The following ZNF705G variants were observed in gnomAD, a reference collection of about 807,000 sequenced individuals.
ZNF705G encodes putative zinc finger protein 705G.
Under a neutral mutation model 19.6 loss-of-function variants are expected in ZNF705G, and 23 were observed. That is an observed-to-expected ratio of 1.17 (90% confidence interval 0.84 to 1.66). ZNF705G has a LOEUF of 1.66. Ranked by LOEUF, ZNF705G falls within the 40% of genes most tolerant of loss-of-function variation. ZNF705G has a pLI of 0.00. For synonymous variants in ZNF705G, 146 were observed against 117.7 expected, an observed-to-expected ratio of 1.24 and a Z score of -1.56; for missense variants, 457 against 354.4, an observed-to-expected ratio of 1.29 and a Z score of -2.32.
chr8:7,359,810 A>C (rs1806490455), intron 5 of ZNF705G, 109 bp from the exon 6 acceptor site: 25 of 1,509,408 alleles, frequency 1.7e-5, no homozygotes, highest in Non-Finnish European at 2.3e-5. Context: ...TAGATGTGGC[A>C]AGTGTGTCAA....
In ZNF705G at chr8:7,358,279, A is replaced by G. The variant is rs2128834264; in HGVS notation, c.600T>C (p.Tyr200=). The G allele has an allele frequency of 6.2e-7, 1 of 1,607,738 alleles. No individual in the cohort carries two copies. Among genetic ancestry groups the G allele is most frequent in the Non-Finnish European group, 8.5e-7 (1 of 1,179,640 alleles). The change falls in exon 7 of 7, where the codon TAT becomes TAC. Residue 200 remains tyrosine, a synonymous_variant. Coordinates refer to ENST00000400156, the MANE Select transcript of ZNF705G (RefSeq NM_001164457.3). ...HKMTHTGERP[Y]ACHLCRKAFT... is the part of the protein sequence containing the mutation. The stretch of plus-strand genomic sequence containing the variant: ...AGGCTTTTCTACATAGATGACATGC[A>G]TATGGCCTCTCTCCAGTGTGAGTCA...
chr8:7,370,972 C>G (rs1463902482), intron 2 of ZNF705G, among the ~76,000 whole-genome samples: 689 of 126,002 alleles, frequency 5.5e-3, no homozygotes, highest in African/African-American at 0.022. Flanking sequence ...AACAGAAAAC[C>G]AAGCACTGCA....
intron 2 of ZNF705G, among the ~76,000 whole-genome samples, chr8:7,364,010 C>T (rs879866235): frequency 6.0e-5 from 9 of 149,386 alleles, no homozygotes; most frequent in Non-Finnish European, 1.3e-4. Flanking sequence ...TCAGAAAATA[C>T]AAAATGACTT....
chr8:7,383,608 G>A (rs1807602839), intron 1 of ZNF705G, among the ~76,000 whole-genome samples: 1 of 147,304 alleles, frequency 6.8e-6, no homozygotes, highest in Non-Finnish European at 1.5e-5. Flanking sequence ...CCATTCATCT[G>A]TTGAAATGCC....
chr8:7,370,975 G>T (rs1807075216), intron 2 of ZNF705G, among the ~76,000 whole-genome samples: 1 of 128,402 alleles, frequency 7.8e-6, no homozygotes, highest in Non-Finnish European at 1.6e-5. Context: ...AGAAAACCAA[G>T]CACTGCACGT....
Position 7,357,774 on chromosome 8 carries a change from T to G in ZNF705G, c.*202A>C, listed in dbSNP as rs1460788321. On this transcript the variant is annotated 3_prime_UTR_variant, in exon 7 of 7. Transcript: ENST00000400156. ...CTTTGGCATGTTTAGATGCTACAAC[T>G]ACAGCTGAAGTCTCTTCCACATTCC... 9.1e-6 allele frequency: 8 copies of G among 878,656 alleles called. 1 individual carries two copies. The East Asian group carries it at 2.1e-4, about 24-fold the overall frequency. 54.4% of individuals were successfully genotyped at this position (878,656 alleles called of 1,614,324 possible). A position where few individuals can be genotyped will look rare whatever the true frequency, so the allele number is the denominator to read the frequency against.
chr8:7,370,490 T>A (rs527335457), intron 2 of ZNF705G, among the ~76,000 whole-genome samples: 3 of 149,290 alleles, frequency 2.0e-5, no homozygotes, highest in South Asian at 2.1e-4. Flanking sequence ...TGTATACTTG[T>A]GGTGGAAATA....
Position 7,357,965 on chromosome 8 carries a change from G to A in ZNF705G, c.*11C>T. On this transcript the variant is annotated 3_prime_UTR_variant, in exon 7 of 7. Coordinates refer to ENST00000400156, the MANE Select transcript of ZNF705G (RefSeq NM_001164457.3). The stretch of plus-strand genomic sequence containing the variant: ...TTCATATGGCTTTTCTCCAGTGCGT[G>A]TTCTCTCATGTCATCTAAGGTTGGA... The A allele has an allele frequency of 6.2e-7, 1 of 1,609,026 alleles. No individual in the cohort carries two copies.
chr8:7,367,779 C>T (rs1806924844), intron 2 of ZNF705G, among the ~76,000 whole-genome samples: 1 of 149,632 alleles, frequency 6.7e-6, no homozygotes, highest in Non-Finnish European at 1.5e-5. Flanking sequence ...TCTCTTTTTC[C>T]ACTGTATGCC....
chr8:7,360,445 G>T (rs1244149860), intron 4 of ZNF705G, 113 bp from the exon 5 acceptor site: 4 of 1,516,882 alleles, frequency 2.6e-6, no homozygotes, highest in Admixed American at 1.8e-5. Flanking sequence ...GTCAGCTCAG[G>T]CCACAAGACC....
rs776592315 is a variant in ZNF705G, at chr8:7,361,270, G to T, written c.13-34C>A. The T allele has an allele frequency of 2.5e-6, 4 of 1,592,348 alleles. No individual in the cohort carries two copies. In the African/African-American group the frequency reaches 5.6e-5, roughly 22 times the overall value. ...TCACAGACATTTTAGTTTAGACAGA[G>T]AAATTCCTTTCAATGTCCGGAAGAG... On this transcript the variant is annotated intron_variant, in intron 3 of 6. Transcript: ENST00000400156.
At position 7,363,458 on chromosome 8, in the gene ZNF705G, C is replaced by T. The variant is rs1397942615; in HGVS notation, c.-71-441G>A. 3.4e-5 allele frequency among the ~76,000 whole-genome samples: 5 copies of T among 149,066 alleles called. 1 individual carries two copies. The highest frequency in any genetic ancestry group is 7.4e-5 in the Non-Finnish European group (5 of 68,012). ...CCCACCACAGCCTTCTGAAGCCTTA[C>T]TCCACTTTTATTTTCACTCAACTCT... On this transcript the variant is annotated intron_variant, in intron 2 of 6. Coordinates refer to ENST00000400156, the MANE Select transcript of ZNF705G (RefSeq NM_001164457.3).
intron 2 of ZNF705G, among the ~76,000 whole-genome samples, chr8:7,364,067 G>A (rs1264295658): frequency 2.0e-5 from 3 of 149,310 alleles, no homozygotes; most frequent in Non-Finnish European, 4.4e-5. Context: ...TTACTAACGT[G>A]GTATCTAAAA....
chr8:7,370,014 T>A (rs896840974), intron 2 of ZNF705G, among the ~76,000 whole-genome samples: 2 of 146,718 alleles, frequency 1.4e-5, no homozygotes, highest in African/African-American at 5.4e-5. Context: ...AACCTGCACA[T>A]ACATCTCCTG....
Position 7,358,369 on chromosome 8 carries a change from T to C in ZNF705G, c.510A>G (p.Lys170=), listed in dbSNP as rs1806388954. The part of the protein sequence containing the change: ...EPHKQIHTKG[K]SYQCNLCEKA... ...TTTCACATAGATTACACTGATATGA[T>C]TTACCTTTAGTATGAATTTGTTTAT... The change falls in exon 7 of 7, where the codon AAA becomes AAG. Residue 170 remains lysine (K), a synonymous_variant. Transcript: ENST00000400156. The C allele has an allele frequency of 1.2e-6, 2 of 1,607,624 alleles. No individual in the cohort carries two copies. The highest frequency in any genetic ancestry group is 2.2e-5 in the East Asian group (1 of 44,862).
In ZNF705G at chr8:7,356,530, C is replaced by A. The variant is rs1194606570; in HGVS notation, c.*1446G>T. On this transcript the variant is annotated 3_prime_UTR_variant, in exon 7 of 7. Transcript: ENST00000400156. ...CTTTGATACAGCCTCCATTTCCCTG[C>A]TAAATCTATGCAATGACACACTGAG... The A allele has an allele frequency of 2.0e-5, 3 of 149,668 alleles. 1 individual carries two copies. The highest frequency in any genetic ancestry group is 7.7e-5 in the African/African-American group (3 of 39,048). 9.3% of individuals were successfully genotyped at this position (149,668 alleles called of 1,614,324 possible). A position where few individuals can be genotyped will look rare whatever the true frequency, so the allele number is the denominator to read the frequency against.
At chr8:7,361,668 T>G (rs1218455365) in intron 3 of ZNF705G, among the ~76,000 whole-genome samples, 1 of 149,676 alleles carries the variant, frequency 6.7e-6, no homozygotes. Flanking sequence ...TTTCTCCAGA[T>G]GAACCACAGG....
rs1479172138 is a variant in ZNF705G at position 7,355,692 on chromosome 8, C to T, written c.*2284G>A. On this transcript the variant is annotated 3_prime_UTR_variant, in exon 7 of 7. Transcript: ENST00000400156. ...CTGCCACCATGCATTTGTCAAATCC[C>T]ATAGAATTTCACAGCACAAATAGTA... 1.3e-4 allele frequency: 19 copies of T among 149,776 alleles called. 1 individual carries two copies. The highest frequency in any genetic ancestry group is 4.9e-4 in the African/African-American group (19 of 39,164). 9.3% of individuals were successfully genotyped at this position (149,776 alleles called of 1,614,324 possible).
At position 7,362,400 on chromosome 8, in the gene ZNF705G, A is replaced by G. The variant is rs1218404336; in HGVS notation, c.12+535T>C. ...AACTCTTCTTTTCCCTCAACACTGC[A>G]CAGCTCTTGTCCAAGTCCTATCACA... On this transcript the variant is annotated intron_variant, in intron 3 of 6. Coordinates refer to ENST00000400156, the MANE Select transcript of ZNF705G (RefSeq NM_001164457.3). Among the ~76,000 whole-genome samples the G allele has an allele frequency of 4.7e-5, 7 of 149,554 alleles. No homozygotes were observed. In the East Asian group the frequency reaches 7.7e-4, roughly 16 times the overall value.
Sources: gnomAD v4.1 joint callset for allele counts (sites outside exome capture counted in the v4.1 genomes callset) on GRCh38, gnomAD v4.1.1 for gene constraint, MANE v1.5 for transcripts, NCBI Gene and HGNC (gene_info 2026-07-23, HGNC 2026-07-21) for gene names.